The following CBFA2T3 variants were observed in gnomAD, a reference collection of about 807,000 sequenced individuals.
CBFA2T3 encodes the protein transcriptional corepressor CBFA2T3.
Under a neutral mutation model 58.6 loss-of-function variants are expected in CBFA2T3, and 31 were observed. The ratio of observed to expected loss-of-function variants is 0.53; its 90% confidence interval spans 0.40 to 0.71. The LOEUF is 0.71. CBFA2T3 is among the 30% of genes least tolerant of loss of function. The pLI, the probability that CBFA2T3 is intolerant of heterozygous loss-of-function variation, is 0.00. For synonymous variants in CBFA2T3, 531 were observed against 421.9 expected, an observed-to-expected ratio of 1.26 and a Z score of -3.17; for missense variants, 1,076 against 963.1, an observed-to-expected ratio of 1.12 and a Z score of -1.55.
At chr16:88,976,049 G>C (rs1435428080) in intron 1 of CBFA2T3, among the ~76,000 whole-genome samples, 1 of 152,232 alleles carries the variant, frequency 6.6e-6, no homozygotes, top group Non-Finnish European at 1.5e-5. Context: ...GGCTCGGGTG[G>C]GGGGTATCAG....
chr16:88,901,773 G>T, intron 1 of CBFA2T3, 117 bp from the exon 2 acceptor site: 1 of 895,802 alleles, frequency 1.1e-6, no homozygotes, highest in Non-Finnish European at 1.6e-6. Flanking sequence ...CGCTGGGGCA[G>T]TCTGCCCCAG....
chr16:88,913,219 C>G (rs375658470), intron 1 of CBFA2T3, among the ~76,000 whole-genome samples: 4 of 152,228 alleles, frequency 2.6e-5, no homozygotes, highest in African/African-American at 9.6e-5. Context: ...GTGGAGCCCC[C>G]ACGTGAACAC....
intron 1 of CBFA2T3, among the ~76,000 whole-genome samples, chr16:88,957,207 C>T (rs1262377095): frequency 6.6e-6 from 1 of 152,248 alleles, no homozygotes; most frequent in African/African-American, 2.4e-5. Flanking sequence ...CGGCATCTTC[C>T]CTCTCACCAA....
chr16:88,942,809 C>T (rs1971788209), intron 1 of CBFA2T3, among the ~76,000 whole-genome samples: 1 of 151,392 alleles, frequency 6.6e-6, no homozygotes, highest in Non-Finnish European at 1.5e-5. Context: ...TGGTGCTTGC[C>T]CATGTGGCTC....
intron 1 of CBFA2T3, among the ~76,000 whole-genome samples, chr16:88,929,435 C>T (rs1028837832): frequency 6.6e-6 from 1 of 152,240 alleles, no homozygotes; most frequent in African/African-American, 2.4e-5. Flanking sequence ...CCTTGAAACC[C>T]CGTGGACAAT....
intron 1 of CBFA2T3, among the ~76,000 whole-genome samples, chr16:88,919,159 C>T (rs755984422): frequency 7.2e-5 from 11 of 152,074 alleles, no homozygotes; most frequent in Non-Finnish European, 1.3e-4. Flanking sequence ...AAATTACTTC[C>T]TCCTTCCTTT....
rs199973426 is a variant in CBFA2T3 at position 88,892,524 on chromosome 16, G to A, written c.380-39C>T. On this transcript the variant is annotated intron_variant, in intron 3 of 11. Coordinates refer to ENST00000268679, the MANE Select transcript of CBFA2T3 (RefSeq NM_005187.6). ...GCGGACATGAGGACACAAAGGTGAT[G>A]GTGACAACACAACCCAGACGGCGGC... The A allele has an allele frequency of 2.9e-5, 47 of 1,607,130 alleles. No individual in the cohort carries two copies. In the South Asian group the frequency reaches 3.6e-4, roughly 12 times the overall value.
rs114520539 is a variant in CBFA2T3 at position 88,891,163 on chromosome 16, G to A, written c.711+719C>T. 3.5e-3 allele frequency among the ~76,000 whole-genome samples: 534 copies of A among 151,890 alleles called. 4 individuals are homozygous for A. Among genetic ancestry groups the A allele is most frequent in the African/African-American group, 0.012 (507 of 41,384 alleles). On this transcript the variant is annotated intron_variant, in intron 5 of 11. Coordinates refer to ENST00000268679, the MANE Select transcript of CBFA2T3 (RefSeq NM_005187.6). ...AGAAGCCCCTTCCCGCCTGTCTACC[G>A]CCCTCACCTCCCGCCCTCACCTCTG...
chr16:88,885,104 G>T lies in CBFA2T3; in HGVS notation c.1059C>A (p.Phe353Leu). Residue 353 changes from phenylalanine (F) to leucine (L), a missense_variant, in exon 7 of 12, where the codon TTC becomes TTA. Transcript: ENST00000268679. The surrounding 1 kb of genome is among the most constrained non-coding windows in gnomAD (Gnocchi z 5.3). ...GGTCTGGGTGGCGGTAGGCATCTCG[G>T]AAGTGGTGGGCCATGGCTATGTCCT... ...RLEDIAMAHH[F>L]RDAYRHPDPR... 5 of 1,602,730 alleles carry T rather than the reference G, an allele frequency of 3.1e-6. No individual in the cohort carries two copies. Among genetic ancestry groups the T allele is most frequent in the Non-Finnish European group, 3.4e-6 (4 of 1,177,504 alleles).
rs866863862 is a variant in CBFA2T3, at chr16:88,877,398, A to G, written c.1663-123T>C. The G allele has an allele frequency of 3.2e-4, 239 of 746,652 alleles. 1 individual carries two copies. Among genetic ancestry groups the G allele is most frequent in the Middle Eastern group, 3.1e-3 (8 of 2,622 alleles). The allele number at this position is 746,652 out of a possible 1,614,324, so 46.3% of individuals were successfully genotyped here. On this transcript the variant is annotated intron_variant, in intron 11 of 11. Coordinates refer to ENST00000268679, the MANE Select transcript of CBFA2T3 (RefSeq NM_005187.6). ...CCAGGTGAGAAGAGAGAAACTCCAA[A>G]GCCCCACAGCCCTCGGGCCATGCTC...
At chr16:88,880,197 G>A (rs1298207131) in intron 10 of CBFA2T3, among the ~76,000 whole-genome samples, 1 of 152,030 alleles carries the variant, frequency 6.6e-6, no homozygotes. Context: ...AGACCCTGAG[G>A]CCAGCTGGAG....
chr16:88,885,027 GC>G lies in CBFA2T3; in HGVS notation c.1117+18del. On this transcript the variant is annotated intron_variant, in intron 7 of 11. Transcript: ENST00000268679. This position sits in a 1 kb window ranked among gnomAD's most constrained non-coding sequence, Gnocchi z 5.3. ...TCCTGTAACACGCGTCCACGCTCCCGCCCCACCGGGCTGCTCACCAAGCGGC... is the reference window on the plus strand; with the variant it reads ...TCCTGTAACACGCGTCCACGCTCCCGCCCACCGGGCTGCTCACCAAGCGGC... The G allele has an allele frequency of 1.3e-6, 2 of 1,566,342 alleles. No individual in the cohort carries two copies. Among genetic ancestry groups the G allele is most frequent in the Non-Finnish European group, 8.6e-7 (1 of 1,156,072 alleles).
intron 1 of CBFA2T3, among the ~76,000 whole-genome samples, chr16:88,910,126 T>C (rs542514160): frequency 9.2e-5 from 14 of 152,378 alleles, no homozygotes; most frequent in African/African-American, 3.4e-4. Context: ...CACCCGCCTG[T>C]GCTGTGCCTC....
intron 1 of CBFA2T3, among the ~76,000 whole-genome samples, chr16:88,906,428 T>TGCTCCCCGCTCCCC (rs138123374): frequency 1.3e-4 from 20 of 152,306 alleles, no homozygotes; most frequent in African/African-American, 4.6e-4. Flanking sequence ...TTGCTGACCC[T>TGCTCCCCGCTCCCC]GCTCCCCGCT....
intron 1 of CBFA2T3, among the ~76,000 whole-genome samples, chr16:88,948,270 C>T (rs1971957522): frequency 6.6e-6 from 1 of 152,224 alleles, no homozygotes; most frequent in Non-Finnish European, 1.5e-5. Context: ...CATGCAAAGA[C>T]AAGAAATCAG....
At chr16:88,892,180 G>A (rs1969661955) in intron 4 of CBFA2T3, 64 bp downstream of exon 4, 10 of 1,557,356 alleles carry the variant, frequency 6.4e-6, no homozygotes, top group Non-Finnish European at 8.7e-6. Context: ...GGCCGTGGCT[G>A]CAACCTCATT....
Position 88,976,659 on chromosome 16 carries a change from G to C in CBFA2T3, c.149C>G (p.Pro50Arg), listed in dbSNP as rs1972869279. The C allele has an allele frequency of 3.2e-6, 5 of 1,559,932 alleles. No homozygotes were observed. The highest frequency in any genetic ancestry group is 4.3e-6 in the Non-Finnish European group (5 of 1,151,860). The change falls in exon 1 of 12, where the codon CCA becomes CGA. Residue 50 changes from proline to arginine, a missense_variant and splice_region_variant. By Grantham distance (103) the Pro-to-Arg change is moderately radical (BLOSUM62 -2). Coordinates refer to ENST00000268679, the MANE Select transcript of CBFA2T3 (RefSeq NM_005187.6). Reference protein sequence around the residue: ...SAPRGPRKGGPAPVDRKAKAS... With the variant: ...SAPRGPRKGGRAPVDRKAKAS... ...CACCTTCCCCTCGAGCCTCTTACCT[G>C]GGCCGCCCTTCCTGGGACCCCGGGG...
chr16:88,882,492 C>T lies in CBFA2T3; in HGVS notation c.1203+184G>A, dbSNP rs1254397283. ...GTGGGGGTGGCTGTGTGTGACTGCACGGGCGTGGCTGTGGCTGTGTGGGCG... is the reference window on the plus strand; with the variant it reads ...GTGGGGGTGGCTGTGTGTGACTGCATGGGCGTGGCTGTGGCTGTGTGGGCG... On this transcript the variant is annotated intron_variant, in intron 8 of 11. Coordinates refer to ENST00000268679, the MANE Select transcript of CBFA2T3 (RefSeq NM_005187.6). Among the ~76,000 whole-genome samples the T allele has an allele frequency of 2.2e-4, 29 of 130,696 alleles. 1 individual carries two copies. Among genetic ancestry groups the T allele is most frequent in the African/African-American group, 7.3e-4 (24 of 32,818 alleles). 85.7% of individuals were successfully genotyped at this position (130,696 alleles called of 152,430 possible).
At chr16:88,892,525 G>T (rs760897446) in intron 3 of CBFA2T3, 40 bp from the exon 4 acceptor site, 3 of 1,606,996 alleles carry the variant, frequency 1.9e-6, no homozygotes, top group Non-Finnish European at 2.5e-6. Flanking sequence ...AAAGGTGATG[G>T]TGACAACACA....
Sources: gnomAD v4.1 joint callset for allele counts (sites outside exome capture counted in the v4.1 genomes callset) on GRCh38, gnomAD v4.1.1 for gene constraint, Gnocchi (gnomAD v3.1) non-coding constraint, MANE v1.5 for transcripts, NCBI Gene and HGNC (gene_info 2026-07-23, HGNC 2026-07-21) for gene names.